Variants in TNFRSF11A observed in about 807,000 individuals in gnomAD.
TNFRSF11A encodes TNF receptor superfamily member 11a, also known as tumor necrosis factor receptor superfamily member 11A.
In TNFRSF11A, 32 loss-of-function variants were observed where a neutral mutation model predicts 55.7. The ratio of observed to expected loss-of-function variants is 0.57; its 90% CI spans 0.43 to 0.77. TNFRSF11A has a LOEUF of 0.77. TNFRSF11A is among the 30% of genes least tolerant of loss of function. The probability of loss-of-function intolerance (pLI) is 0.00; values close to 1 mark genes in which losing one functional copy is unlikely to be tolerated. For synonymous variants in TNFRSF11A, 311 were observed against 331.0 expected (o/e 0.94, Z 0.65); for missense variants, 753 against 809.8 (o/e 0.93, Z 0.85).
intron 1 of TNFRSF11A, among the ~76,000 whole-genome samples, chr18:62,342,440 A>G (rs2046327746): frequency 6.8e-6 from 1 of 147,292 alleles, no homozygotes; most frequent in Non-Finnish European, 1.5e-5. Flanking sequence ...ATATTCTGTC[A>G]TGTCAGACTT....
At chr18:62,378,432 G>C (rs74928627) in intron 9 of TNFRSF11A, among the ~76,000 whole-genome samples, 2,887 of 152,288 alleles carry the variant, frequency 0.019, 77 homozygotes, top group African/African-American at 0.066. Flanking sequence ...GATTTCCAGA[G>C]AAAGTGCCCT....
chr18:62,348,058 C>CA (rs201661953), intron 1 of TNFRSF11A, 110 bp from the exon 2 acceptor site: 23,747 of 631,686 alleles, frequency 0.038, 287 homozygotes, highest in African/African-American at 0.062. Context: ...AAACTCCATT[C>CA]AAAAAAAAAA....
At position 62,388,303 on chromosome 18, in the gene TNFRSF11A, C is replaced by T. The variant is rs1188037862; in HGVS notation, c.*3269C>T. 2.0e-5 allele frequency: 3 copies of T among 152,180 alleles called. No individual in the cohort carries two copies. The highest frequency in any genetic ancestry group is 7.2e-5 in the African/African-American group (3 of 41,436). The allele number at this position is 152,180 out of a possible 1,614,324, so 9.4% of individuals were successfully genotyped here. A position where few individuals can be genotyped will look rare whatever the true frequency, so the allele number is the denominator to read the frequency against. ...GCATGCTCTCATGGTGGTGTCGAGC[C>T]TGAGAACAAGCAGAAACCTGCCAGG... On this transcript the variant is annotated 3_prime_UTR_variant, in exon 10 of 10. Transcript: ENST00000586569.
At chr18:62,370,764 G>A (rs1300877388) in intron 9 of TNFRSF11A, among the ~76,000 whole-genome samples, 1 of 152,004 alleles carries the variant, frequency 6.6e-6, no homozygotes, top group Non-Finnish European at 1.5e-5. Context: ...TTTTAAGATT[G>A]TAAGGAATCT....
Position 62,349,957 on chromosome 18 carries a change from G to A in TNFRSF11A, c.283+20G>A, listed in dbSNP as rs112425512. The A allele has an allele frequency of 1.9e-6, 3 of 1,613,580 alleles. No individual in the cohort carries two copies. Among genetic ancestry groups the A allele is most frequent in the African/African-American group, 1.3e-5 (1 of 75,034 alleles). On this transcript the variant is annotated intron_variant, in intron 3 of 9. Transcript: ENST00000586569. ...ATACAGGTGAGCCCGTCCTGTCAGT[G>A]TGTCAGTGGGAAGTGTAGAAACCTC...
At chr18:62,340,941 G>T (rs979031489) in intron 1 of TNFRSF11A, among the ~76,000 whole-genome samples, 1 of 152,240 alleles carries the variant, frequency 6.6e-6, no homozygotes, top group African/African-American at 2.4e-5. Context: ...GCGCCTATGC[G>T]ATGTTGTTCT....
chr18:62,355,244 A>T (rs554398128), intron 4 of TNFRSF11A, among the ~76,000 whole-genome samples: 1 of 152,318 alleles, frequency 6.6e-6, no homozygotes, highest in African/African-American at 2.4e-5. Context: ...GCACATATTG[A>T]AAAATATGCA....
chr18:62,353,203 C>A (rs1285470094), intron 3 of TNFRSF11A, among the ~76,000 whole-genome samples: 1 of 152,198 alleles, frequency 6.6e-6, no homozygotes, highest in African/African-American at 2.4e-5. Flanking sequence ...CTGTCACGGA[C>A]TGATCACCAC....
rs1225006350 is a variant in TNFRSF11A, at chr18:62,387,373, G to A, written c.*2339G>A. The A allele has an allele frequency of 6.6e-6, 1 of 152,058 alleles. No individual in the cohort carries two copies. The highest frequency in any genetic ancestry group is 6.6e-5 in the Admixed American group (1 of 15,256). The allele number at this position is 152,058 out of a possible 1,614,324, so 9.4% of individuals were successfully genotyped here. On this transcript the variant is annotated 3_prime_UTR_variant, in exon 10 of 10. Coordinates refer to ENST00000586569, the MANE Select transcript of TNFRSF11A (RefSeq NM_003839.4). ...GAAGCAGTAATGAACAGTTATTAGG[G>A]GGAACATGATAAAGAGATTATATTA...
chr18:62,379,087 C>A (rs553281191), intron 9 of TNFRSF11A, among the ~76,000 whole-genome samples: 11 of 152,314 alleles, frequency 7.2e-5, no homozygotes, highest in East Asian at 1.9e-4. Context: ...GGGAAAAAAA[C>A]CAATCACAGA....
At chr18:62,358,150 C>A in intron 4 of TNFRSF11A, 98 bp from the exon 5 acceptor site, 2 of 1,174,864 alleles carry the variant, frequency 1.7e-6, no homozygotes, top group Non-Finnish European at 2.5e-6. Context: ...AGCGCCTCAC[C>A]TCCAGTCCTC....
Position 62,369,396 on chromosome 18 carries a change from C to T in TNFRSF11A, c.1479C>T (p.Pro493=), listed in dbSNP as rs767256647. 53 of 1,611,608 alleles carry T rather than the reference C, an allele frequency of 3.3e-5. No homozygotes were observed. Among genetic ancestry groups the T allele is most frequent in the East Asian group, 1.3e-4 (6 of 44,892 alleles). ...GCAGGACGGAGGCCAGAGACCAGCC[C>T]GAGGATGGGGCTGATGGGAGGCTCC... ...EASRTEARDQ[P]EDGADGRLPS... is the part of the protein sequence containing the mutation. The change falls in exon 9 of 10, where the codon CCC becomes CCT. Residue 493 remains proline (P), a synonymous_variant. Transcript: ENST00000586569.
At chr18:62,334,549 A>G (rs1300887038) in intron 1 of TNFRSF11A, among the ~76,000 whole-genome samples, 1 of 152,088 alleles carries the variant, frequency 6.6e-6, no homozygotes, top group Non-Finnish European at 1.5e-5. Context: ...TTGCCCTCAT[A>G]AGCTTTCGGA....
chr18:62,385,022 G>T lies in TNFRSF11A; in HGVS notation c.1839G>T (p.Gly613=), dbSNP rs1911615266. The stretch of plus-strand genomic sequence containing the variant: ...CGAGGCCGGTGCAGGAGCAAGGCGG[G>T]GCCAAGGCTTGAGCGCCCCCCATGG... ...KASRPVQEQG[G]AKA The change falls in exon 10 of 10, where the codon GGG becomes GGT. Residue 613 remains glycine, a synonymous_variant. Coordinates refer to ENST00000586569, the MANE Select transcript of TNFRSF11A (RefSeq NM_003839.4). 1 of 1,480,824 alleles carries T rather than the reference G, an allele frequency of 6.8e-7. No homozygotes were observed. The highest frequency in any genetic ancestry group is 8.9e-7 in the Non-Finnish European group (1 of 1,124,920). 91.7% of individuals were successfully genotyped at this position (1,480,824 alleles called of 1,614,324 possible). A position where few individuals can be genotyped will look rare whatever the true frequency, so the allele number is the denominator to read the frequency against.
At chr18:62,357,677 GGGT>G (rs1909361725) in intron 4 of TNFRSF11A, among the ~76,000 whole-genome samples, 2 of 152,298 alleles carry the variant, frequency 1.3e-5, no homozygotes, top group Admixed American at 1.3e-4. Context: ...GAGACCTGTA[GGGT>G]TCTTCCTCGT....
chr18:62,353,744 T>C (rs1298286940), intron 3 of TNFRSF11A, among the ~76,000 whole-genome samples: 6 of 152,066 alleles, frequency 3.9e-5, no homozygotes, highest in Non-Finnish European at 8.8e-5. Flanking sequence ...TTACAACAGA[T>C]CAATTCCCAC....
At chr18:62,381,441 C>A (rs1025888194) in intron 9 of TNFRSF11A, among the ~76,000 whole-genome samples, 5 of 152,062 alleles carry the variant, frequency 3.3e-5, no homozygotes, top group Non-Finnish European at 5.9e-5. Context: ...ATAATATATA[C>A]CATGACATAA....
rs568466802 is a variant in TNFRSF11A, at chr18:62,327,602, A to G, written c.75+2175A>G. 3.3e-5 allele frequency among the ~76,000 whole-genome samples: 5 copies of G among 152,316 alleles called. No homozygotes were observed. In the South Asian group the frequency reaches 1.0e-3, roughly 32 times the overall value. ...TTGGCCAGCCTATTCCATTAGCTCA[A>G]AATTTAGGAATGGCATTGACAGTTC... On this transcript the variant is annotated intron_variant, in intron 1 of 9. Coordinates refer to ENST00000586569, the MANE Select transcript of TNFRSF11A (RefSeq NM_003839.4).
chr18:62,348,081 TAA>T, intron 1 of TNFRSF11A, 85 bp from the exon 2 acceptor site: 1 of 891,114 alleles, frequency 1.1e-6, no homozygotes, highest in Non-Finnish European at 1.7e-6. Context: ...AAAAAAAAAG[TAA>T]TTTGGTGATT....
Sources: allele counts gnomAD v4.1 joint callset (sites outside exome capture counted in the v4.1 genomes callset), GRCh38; gene constraint gnomAD v4.1.1; transcripts MANE v1.5; gene names NCBI Gene and HGNC (gene_info 2026-07-23, HGNC 2026-07-21).